The following PPP3CA variants were observed in gnomAD, a reference collection of about 807,000 sequenced individuals.
PPP3CA encodes CAM-PRP catalytic subunit.
PPP3CA carries 14 observed loss-of-function variants against 66.5 expected under a neutral mutation model. The ratio of observed to expected loss-of-function variants is 0.21; its 90% CI spans 0.14 to 0.33. The LOEUF (loss-of-function observed/expected upper bound fraction) is 0.33, where lower values mean the gene tolerates loss of function less well. PPP3CA is among the 10% of genes least tolerant of loss of function. The pLI is 1.00. For synonymous variants in PPP3CA, 232 were observed against 226.2 expected, an observed-to-expected ratio of 1.03 and a Z score of -0.23; for missense variants, 317 against 639.5, an observed-to-expected ratio of 0.50 and a Z score of 5.44.
At chr4:101,204,270 G>A (rs1401778124) in intron 1 of PPP3CA, among the ~76,000 whole-genome samples, 1 of 152,076 alleles carries the variant, frequency 6.6e-6, no homozygotes, top group Non-Finnish European at 1.5e-5. Flanking sequence ...GCCTCCCAAA[G>A]TGCTGGGATT....
In PPP3CA at chr4:101,155,675, TCC is replaced by T. The variant is rs542972684; in HGVS notation, c.259+40239_259+40240del. Among the ~76,000 whole-genome samples, 1,004 of 102,268 alleles carry T rather than the reference TCC, an allele frequency of 9.8e-3. 12 individuals are homozygous for T. Among genetic ancestry groups the T allele is most frequent in the African/African-American group, 0.062 (942 of 15,080 alleles). The allele number at this position is 102,268 out of a possible 152,430, so 67.1% of individuals were successfully genotyped here. A position where few individuals can be genotyped will look rare whatever the true frequency, so the allele number is the denominator to read the frequency against. ...TAAGGAATTGTTAAGCTTAAAAGAT[TCC>T]TTTTTGTTTTAAGTTCCCACTTTGG... On this transcript the variant is annotated intron_variant, in intron 2 of 13. Coordinates refer to ENST00000394854, the MANE Select transcript of PPP3CA (RefSeq NM_000944.5).
intron 1 of PPP3CA, among the ~76,000 whole-genome samples, chr4:101,321,158 T>C (rs528704642): frequency 6.6e-6 from 1 of 152,334 alleles, no homozygotes; most frequent in South Asian, 2.1e-4. Flanking sequence ...GATCGAAAAC[T>C]GTGATTCCAT....
chr4:101,253,424 A>C (rs1311705373), intron 1 of PPP3CA, among the ~76,000 whole-genome samples: 2 of 152,128 alleles, frequency 1.3e-5, no homozygotes, highest in East Asian at 3.9e-4. Flanking sequence ...ACTAAGAGTC[A>C]CCTTCTTTCT....
chr4:101,088,615 A>C (rs1729777481), intron 6 of PPP3CA, among the ~76,000 whole-genome samples: 1 of 151,374 alleles, frequency 6.6e-6, no homozygotes, highest in East Asian at 1.9e-4. Context: ...AAAAGAGAAA[A>C]ACTTAGTAGA....
chr4:101,280,493 G>C (rs962086546), intron 1 of PPP3CA, among the ~76,000 whole-genome samples: 3 of 152,118 alleles, frequency 2.0e-5, no homozygotes, highest in Admixed American at 6.5e-5. Flanking sequence ...TATGAGACTA[G>C]AGGCACTGAG....
intron 1 of PPP3CA, among the ~76,000 whole-genome samples, chr4:101,244,588 C>A (rs1319859689): frequency 6.6e-6 from 1 of 152,138 alleles, no homozygotes; most frequent in Non-Finnish European, 1.5e-5. Flanking sequence ...ATACGCCCTC[C>A]CCCGTGGTAG....
At chr4:101,164,452 A>G (rs1578511410) in intron 2 of PPP3CA, among the ~76,000 whole-genome samples, 1 of 152,280 alleles carries the variant, frequency 6.6e-6, no homozygotes, top group South Asian at 2.1e-4. Flanking sequence ...ATGTGTCAAT[A>G]AGAAGTTCCT....
At chr4:101,060,147 G>C (rs749053748) in intron 10 of PPP3CA, among the ~76,000 whole-genome samples, 1 of 152,002 alleles carries the variant, frequency 6.6e-6, no homozygotes, top group Admixed American at 6.6e-5. Flanking sequence ...GAGTACTGTG[G>C]TATGACCATG....
intron 10 of PPP3CA, among the ~76,000 whole-genome samples, chr4:101,055,314 G>A (rs1728180746): frequency 1.3e-5 from 2 of 152,030 alleles, no homozygotes; most frequent in African/African-American, 4.8e-5. Flanking sequence ...TCATTAATGA[G>A]CATTATCTGC....
chr4:101,238,310 T>A (rs1726191805), intron 1 of PPP3CA, among the ~76,000 whole-genome samples: 1 of 152,056 alleles, frequency 6.6e-6, no homozygotes, highest in African/African-American at 2.4e-5. Context: ...TAATACCTTG[T>A]CCTTCACTCT....
intron 1 of PPP3CA, among the ~76,000 whole-genome samples, chr4:101,224,828 A>G (rs1031885858): frequency 5.3e-5 from 8 of 151,758 alleles, no homozygotes; most frequent in African/African-American, 1.9e-4. Flanking sequence ...TTAATGCTCA[A>G]AGCTGTCCAG....
At position 101,269,503 on chromosome 4, in the gene PPP3CA, GTCT is replaced by G. The variant is rs372010598; in HGVS notation, c.59-73390_59-73388del. Among the ~76,000 whole-genome samples, 158 of 82,008 alleles carry G rather than the reference GTCT, an allele frequency of 1.9e-3. 1 individual carries two copies. The highest frequency in any genetic ancestry group is 5.4e-3 in the African/African-American group (147 of 27,410). The allele number at this position is 82,008 out of a possible 152,430, so 53.8% of individuals were successfully genotyped here. ...TGGGGATAGAATTCGATTTGGTTTT[GTCT>G]TCTTATCATGCACAGAAAAGAACAT... On this transcript the variant is annotated intron_variant, in intron 1 of 13. Coordinates refer to ENST00000394854, the MANE Select transcript of PPP3CA (RefSeq NM_000944.5).
chr4:101,028,499 G>A (rs1278963245), intron 13 of PPP3CA, among the ~76,000 whole-genome samples: 1 of 152,102 alleles, frequency 6.6e-6, no homozygotes, highest in Non-Finnish European at 1.5e-5. Context: ...TTCATCAATT[G>A]AGTGCTACTT....
At chr4:101,146,529 G>A (rs965297183) in intron 2 of PPP3CA, among the ~76,000 whole-genome samples, 2 of 151,274 alleles carry the variant, frequency 1.3e-5, no homozygotes, top group African/African-American at 4.9e-5. Context: ...TGCAACCTCC[G>A]CCTCCTGGGT....
chr4:101,055,236 T>C (rs1728176471), intron 10 of PPP3CA, among the ~76,000 whole-genome samples: 1 of 152,138 alleles, frequency 6.6e-6, no homozygotes, highest in Non-Finnish European at 1.5e-5. Context: ...ACTCTTGTAA[T>C]GAAGGTTGAT....
chr4:101,122,195 A>G (rs1035343358), intron 2 of PPP3CA, among the ~76,000 whole-genome samples: 3 of 152,204 alleles, frequency 2.0e-5, no homozygotes, highest in African/African-American at 7.2e-5. Context: ...ATGCTAAGTC[A>G]TCCTGACCAC....
At chr4:101,198,684 A>G (rs1327773220) in intron 1 of PPP3CA, among the ~76,000 whole-genome samples, 5 of 152,192 alleles carry the variant, frequency 3.3e-5, no homozygotes, top group Admixed American at 3.3e-4. Context: ...GAGAGGCAAC[A>G]GGAGAGCACC....
intron 13 of PPP3CA, 136 bp from the exon 14 acceptor site, chr4:101,026,197 T>C (rs1726641842): frequency 3.0e-6 from 2 of 677,942 alleles, no homozygotes; most frequent in Non-Finnish European, 4.8e-6. Context: ...TGACGGGACC[T>C]GCACACCACA....
chr4:101,311,941 G>C (rs1728735898), intron 1 of PPP3CA, among the ~76,000 whole-genome samples: 1 of 151,994 alleles, frequency 6.6e-6, no homozygotes, highest in Non-Finnish European at 1.5e-5. Context: ...CAATCAATTT[G>C]TAAGTTATCC....
Sources: gnomAD v4.1 joint callset for allele counts (sites outside exome capture counted in the v4.1 genomes callset) on GRCh38, gnomAD v4.1.1 for gene constraint, MANE v1.5 for transcripts, NCBI Gene and HGNC (gene_info 2026-07-23, HGNC 2026-07-21) for gene names.